TMEM132B: variants seen among roughly 807,000 people sequenced by gnomAD.
TMEM132B encodes the protein transmembrane protein 132B.
TMEM132B carries 18 observed loss-of-function variants against 90.8 expected under a neutral mutation model. That is an observed-to-expected ratio of 0.20 (90% confidence interval 0.14 to 0.29). The LOEUF is 0.29. Ranked by LOEUF, TMEM132B falls within the 10% of genes least tolerant of loss-of-function variation. TMEM132B has a pLI of 1.00. For synonymous variants in TMEM132B, 504 were observed against 523.3 expected, an observed-to-expected ratio of 0.96 and a Z score of 0.50; for missense variants, 1,096 against 1,326.8, an observed-to-expected ratio of 0.83 and a Z score of 2.70.
At chr12:125,467,705 A>G (rs1463566046) in intron 3 of TMEM132B, among the ~76,000 whole-genome samples, 1 of 152,232 alleles carries the variant, frequency 6.6e-6, no homozygotes, top group Non-Finnish European at 1.5e-5. Context: ...CACTCTAATT[A>G]CAAAACTATT....
intron 3 of TMEM132B, among the ~76,000 whole-genome samples, chr12:125,438,770 G>C (rs905209699): frequency 2.0e-5 from 2 of 102,190 alleles, no homozygotes; most frequent in Non-Finnish European, 3.7e-5. Flanking sequence ...CTTTCCACAG[G>C]CCGTGTTTTT....
intron 3 of TMEM132B, among the ~76,000 whole-genome samples, chr12:125,482,624 G>A (rs1388116870): frequency 6.6e-6 from 1 of 152,208 alleles, no homozygotes; most frequent in East Asian, 1.9e-4. Context: ...TGGAGAAACA[G>A]GAACACTTTC....
Position 125,330,954 on chromosome 12 carries a change from G to A in TMEM132B, c.68-18498G>A, listed in dbSNP as rs141166339. Among the ~76,000 whole-genome samples the A allele has an allele frequency of 3.7e-4, 57 of 152,358 alleles. 1 individual carries two copies. The East Asian group carries it at 0.01, about 28-fold the overall frequency. ...GGCTGAGGCAGGAGGTGTTTAAGGGGTTTCTGTTGGAAAGCAGCAGTGGGC... is the reference window on the plus strand; with the variant it reads ...GGCTGAGGCAGGAGGTGTTTAAGGGATTTCTGTTGGAAAGCAGCAGTGGGC... On this transcript the variant is annotated intron_variant, in intron 1 of 8. Transcript: ENST00000682704.
intron 1 of TMEM132B, among the ~76,000 whole-genome samples, chr12:125,227,480 C>T (rs1005060980): frequency 2.0e-5 from 3 of 152,074 alleles, no homozygotes; most frequent in Middle Eastern, 3.2e-3. Context: ...AATGACTGTG[C>T]TCTGTGGGCT....
chr12:125,413,139 C>T (rs1046389635), intron 2 of TMEM132B, among the ~76,000 whole-genome samples: 4 of 152,142 alleles, frequency 2.6e-5, no homozygotes, highest in Non-Finnish European at 1.5e-5. Context: ...AGGTTCCTTA[C>T]GGTGGGTGGT....
At chr12:125,245,245 T>C (rs1337465653) in intron 1 of TMEM132B, among the ~76,000 whole-genome samples, 1 of 152,132 alleles carries the variant, frequency 6.6e-6, no homozygotes, top group East Asian at 1.9e-4. Context: ...GAAGAACCTT[T>C]CCTTGTTCCC....
intron 3 of TMEM132B, among the ~76,000 whole-genome samples, chr12:125,443,810 C>T (rs1880937063): frequency 6.6e-6 from 1 of 152,024 alleles, no homozygotes; most frequent in African/African-American, 2.4e-5. Context: ...AATATAAAAT[C>T]TGTTAACAAT....
chr12:125,560,679 G>T (rs1446582829), intron 4 of TMEM132B, among the ~76,000 whole-genome samples: 4 of 151,724 alleles, frequency 2.6e-5, no homozygotes, highest in African/African-American at 9.7e-5. Flanking sequence ...CAAAAAATTA[G>T]CCGGGCGCGG....
At chr12:125,241,479 C>T (rs1874066848) in intron 1 of TMEM132B, among the ~76,000 whole-genome samples, 1 of 152,196 alleles carries the variant, frequency 6.6e-6, no homozygotes, top group Admixed American at 6.5e-5. Flanking sequence ...ACCCCAGGCC[C>T]TGGACCCCCT....
At chr12:125,338,488 G>C (rs1164463988) in intron 1 of TMEM132B, among the ~76,000 whole-genome samples, 5 of 152,166 alleles carry the variant, frequency 3.3e-5, no homozygotes, top group Admixed American at 6.5e-5. Flanking sequence ...AAGCATTCTG[G>C]TTTTTCCTGA....
At chr12:125,634,945 C>G (rs1342413915) in intron 5 of TMEM132B, among the ~76,000 whole-genome samples, 1 of 152,146 alleles carries the variant, frequency 6.6e-6, no homozygotes, top group African/African-American at 2.4e-5. Flanking sequence ...CAGTAGGTCA[C>G]GTGCCCCCAG....
intron 1 of TMEM132B, among the ~76,000 whole-genome samples, chr12:125,298,197 C>T (rs1218993041): frequency 6.6e-6 from 1 of 152,068 alleles, no homozygotes; most frequent in African/African-American, 2.4e-5. Context: ...CTGCAGTGAG[C>T]CATGATTGCG....
rs7310102 is a variant in TMEM132B, at chr12:125,647,972, A to T, written c.1644-2711A>T. On this transcript the variant is annotated intron_variant, in intron 6 of 8. Transcript: ENST00000682704. ...CATTGCGCAGGTTAGTTACATATGT[A>T]TACATGTGCCATGCTGGTGTGCTGC... Among the ~76,000 whole-genome samples, 4 of 147,248 alleles carry T rather than the reference A, an allele frequency of 2.7e-5. No individual in the cohort carries two copies. In the South Asian group the frequency reaches 6.5e-4, roughly 24 times the overall value.
intron 1 of TMEM132B, among the ~76,000 whole-genome samples, chr12:125,255,548 G>A (rs1874420874): frequency 1.3e-5 from 2 of 152,096 alleles, no homozygotes; most frequent in Admixed American, 6.5e-5. Context: ...TTGCTCCCTT[G>A]GGTTCAGCTC....
At chr12:125,543,195 T>C (rs114452003) in intron 4 of TMEM132B, among the ~76,000 whole-genome samples, 1,549 of 152,342 alleles carry the variant, frequency 0.01, 28 homozygotes, top group African/African-American at 0.035. Flanking sequence ...ACCCCTATCA[T>C]ACTTATAGCT....
At position 125,209,503 on chromosome 12, in the gene TMEM132B, T is replaced by C. The variant is rs553610185; in HGVS notation, c.67+22637T>C. Among the ~76,000 whole-genome samples, 16 of 152,200 alleles carry C rather than the reference T, an allele frequency of 1.1e-4. No individual in the cohort carries two copies. Among genetic ancestry groups the C allele is most frequent in the Non-Finnish European group, 2.4e-4 (16 of 68,032 alleles). ...AGGGTGTTGGCTCAGTCAGCCCTGC[T>C]TTGCTTGAGGGACTGACGGCAGGGA... On this transcript the variant is annotated intron_variant, in intron 1 of 8. Coordinates refer to ENST00000682704, the MANE Select transcript of TMEM132B (RefSeq NM_001366854.1). This position sits in a 1 kb window ranked among gnomAD's most constrained non-coding sequence, Gnocchi z 4.4.
rs188714505 is a variant in TMEM132B, at chr12:125,463,892, G to A, written c.1106+48215G>A. Among the ~76,000 whole-genome samples the A allele has an allele frequency of 1.2e-4, 18 of 152,268 alleles. No homozygotes were observed. In the East Asian group the frequency reaches 2.7e-3, roughly 23 times the overall value. ...GCCTCAGGAAACTTAGAATCATGGC[G>A]GAAGGTGAAGGAGAAGCAGGCACTG... On this transcript the variant is annotated intron_variant, in intron 3 of 8. Transcript: ENST00000682704.
At position 125,644,062 on chromosome 12, in the gene TMEM132B, C is replaced by A; in HGVS notation, c.1438-14C>A. 6.2e-7 allele frequency: 1 copy of A among 1,613,402 alleles called. No homozygotes were observed. Among genetic ancestry groups the A allele is most frequent in the Admixed American group, 1.7e-5 (1 of 60,020 alleles). On this transcript the variant is annotated splice_polypyrimidine_tract_variant and intron_variant, in intron 5 of 8. Coordinates refer to ENST00000682704, the MANE Select transcript of TMEM132B (RefSeq NM_001366854.1). ...CCTACTGATGCATCTCAAGGTTCTA[C>A]CTCCTTCCCAAAGGTTTCCAACAAC... is the stretch of plus-strand genomic sequence containing the variant.
chr12:125,576,100 A>C (rs1244079833), intron 4 of TMEM132B, among the ~76,000 whole-genome samples: 1 of 152,082 alleles, frequency 6.6e-6, no homozygotes, highest in African/African-American at 2.4e-5. Context: ...TAAGTTTTCC[A>C]ATCTATGAAC....
Sources: gnomAD v4.1 joint callset for allele counts (sites outside exome capture counted in the v4.1 genomes callset) on GRCh38, gnomAD v4.1.1 for gene constraint, Gnocchi (gnomAD v3.1) non-coding constraint, MANE v1.5 for transcripts, NCBI Gene and HGNC (gene_info 2026-07-23, HGNC 2026-07-21) for gene names.